Variants in VPS39 observed in about 807,000 individuals in gnomAD.
The protein encoded by VPS39 is vam6/Vps39-like protein.
A neutral mutation model predicts 121.0 loss-of-function variants in VPS39; 70 were observed. That is an observed-to-expected ratio of 0.58 (90% CI 0.48 to 0.71). The LOEUF (loss-of-function observed/expected upper bound fraction) is 0.71, where lower values mean the gene tolerates loss of function less well. Among genes scored for constraint, VPS39 ranks in the 30% least tolerant of loss-of-function variants. The probability of loss-of-function intolerance (pLI) is 0.00; values close to 1 mark genes in which losing one functional copy is unlikely to be tolerated. For synonymous variants in VPS39, 378 were observed against 398.1 expected, an observed-to-expected ratio of 0.95 and a Z score of 0.60; for missense variants, 818 against 1,051.5, an observed-to-expected ratio of 0.78 and a Z score of 3.07.
At chr15:42,195,016 T>A (rs537972589) in intron 2 of VPS39, among the ~76,000 whole-genome samples, 142 of 151,824 alleles carry the variant, frequency 9.4e-4, no homozygotes, top group African/African-American at 3.3e-3. Flanking sequence ...TCTGAAAGGA[T>A]CTTGAGGATC....
rs753606380 is a variant in VPS39, at chr15:42,164,435, C to T, written c.1949G>A (p.Arg650Gln). Residue 650 changes from arginine (R) to glutamine (Q), a missense_variant, in exon 19 of 25, where the codon CGG becomes CAG. Transcript: ENST00000318006. ...CTCCAAGAACATGAGGAGCTTTTGCCGGTATTCTCCCAGCTCACCCTCTTC... is the reference window on the plus strand; with the variant it reads ...CTCCAAGAACATGAGGAGCTTTTGCTGGTATTCTCCCAGCTCACCCTCTTC... ...GEEEGELGEYRQKLLMFLEIS... is the reference protein window; with the variant it reads ...GEEEGELGEYQQKLLMFLEIS... 2.5e-6 allele frequency: 4 copies of T among 1,613,998 alleles called. No individual in the cohort carries two copies. Among genetic ancestry groups the T allele is most frequent in the South Asian group, 1.1e-5 (1 of 91,076 alleles).
In VPS39 at chr15:42,162,171, G is replaced by T. The variant is rs1350695050; in HGVS notation, c.2326-5C>A. On this transcript the variant is annotated splice_polypyrimidine_tract_variant and splice_region_variant and intron_variant, in intron 22 of 24. Transcript: ENST00000318006. ...TGCTGGCAGAAGGTTGAGGGCCTAG[G>T]GACAGGAACAGAGATAGGGACTGGG... is the stretch of plus-strand genomic sequence containing the variant. The T allele has an allele frequency of 3.1e-6, 5 of 1,614,150 alleles. No individual in the cohort carries two copies. The highest frequency in any genetic ancestry group is 4.2e-6 in the Non-Finnish European group (5 of 1,180,006).
intron 8 of VPS39, 167 bp from the exon 9 acceptor site, chr15:42,178,737 A>T (rs1203694476): frequency 1.9e-6 from 2 of 1,040,852 alleles, no homozygotes. Context: ...GAAAAAAAAA[A>T]TTGGCCTGTA....
chr15:42,180,491 A>C (rs1037170755), intron 8 of VPS39, among the ~76,000 whole-genome samples: 1 of 152,234 alleles, frequency 6.6e-6, no homozygotes, highest in African/African-American at 2.4e-5. Flanking sequence ...CACAGTGCTA[A>C]AGAAGTCAGC....
chr15:42,167,035 C>T (rs975432662), intron 13 of VPS39, 122 bp from the exon 14 acceptor site: 1 of 1,406,450 alleles, frequency 7.1e-7, no homozygotes, highest in East Asian at 2.3e-5. Context: ...AGCAGACAGC[C>T]CTCTTTCAGG....
At chr15:42,178,771 G>C in intron 8 of VPS39, 1 of 654,972 alleles carries the variant, frequency 1.5e-6, no homozygotes. Context: ...GAGAGGTTGA[G>C]GTGGGAAGGT....
At chr15:42,167,351 G>A in intron 13 of VPS39, 43 bp downstream of exon 13, 2 of 1,609,660 alleles carry the variant, frequency 1.2e-6, no homozygotes, top group Non-Finnish European at 1.7e-6. Flanking sequence ...CAGACTGTCA[G>A]GGTAACTGGG....
At chr15:42,179,967 G>A (rs1411369451) in intron 8 of VPS39, among the ~76,000 whole-genome samples, 1 of 152,156 alleles carries the variant, frequency 6.6e-6, no homozygotes, top group African/African-American at 2.4e-5. Flanking sequence ...CTTCTGCCAT[G>A]TGAGAATGCA....
rs1171703263 is a variant in VPS39, at chr15:42,166,194, A to T, written c.1645T>A (p.Trp549Arg). 2 of 1,614,146 alleles carry T rather than the reference A, an allele frequency of 1.2e-6. No individual in the cohort carries two copies. The highest frequency in any genetic ancestry group is 2.7e-5 in the African/African-American group (2 of 74,946). Residue 549 changes from tryptophan (W) to arginine (R), a missense_variant, in exon 16 of 25, where the codon TGG (tryptophan) becomes AGG (arginine). Coordinates refer to ENST00000318006, the MANE Select transcript of VPS39 (RefSeq NM_015289.5). ...TCTTCTGGGAAGTCTCTCAGCACCCACACTGAGTAGGAGAAAATCAAATGC... is the reference window on the plus strand; with the variant it reads ...TCTTCTGGGAAGTCTCTCAGCACCCTCACTGAGTAGGAGAAAATCAAATGC... ...NLHLIFSYSVWVLRDFPEDGL... is the reference protein window; with the variant it reads ...NLHLIFSYSVRVLRDFPEDGL...
intron 8 of VPS39, among the ~76,000 whole-genome samples, chr15:42,182,237 A>T (rs1004150302): frequency 4.6e-5 from 7 of 152,158 alleles, no homozygotes; most frequent in African/African-American, 1.7e-4. Flanking sequence ...TGAATTTTTT[A>T]TTTTATTTTT....
intron 7 of VPS39, among the ~76,000 whole-genome samples, 179 bp downstream of exon 7, chr15:42,187,092 G>A (rs1371173860): frequency 6.6e-6 from 1 of 152,174 alleles, no homozygotes; most frequent in Non-Finnish European, 1.5e-5. Flanking sequence ...ACTGACTTAA[G>A]TTACAAAGAT....
At chr15:42,191,075 C>A in intron 4 of VPS39, 50 bp downstream of exon 4, 1 of 1,593,144 alleles carries the variant, frequency 6.3e-7, no homozygotes, top group South Asian at 1.1e-5. Context: ...TTAATTAGGT[C>A]ATATCTTTTC....
chr15:42,192,749 T>A (rs2049854620), intron 2 of VPS39, among the ~76,000 whole-genome samples: 1 of 152,004 alleles, frequency 6.6e-6, no homozygotes, highest in African/African-American at 2.4e-5. Context: ...TTGCATTTAA[T>A]ACTTCTCTTT....
chr15:42,177,665 A>AC (rs2140857729), intron 10 of VPS39, among the ~76,000 whole-genome samples: 1 of 148,672 alleles, frequency 6.7e-6, no homozygotes, highest in South Asian at 2.1e-4. Flanking sequence ...TTCTCCCATT[A>AC]ATTTTTTTTT....
At chr15:42,197,858 G>C (rs2049977005) in intron 2 of VPS39, among the ~76,000 whole-genome samples, 2 of 152,030 alleles carry the variant, frequency 1.3e-5, no homozygotes, top group African/African-American at 4.8e-5. Flanking sequence ...ATTAACCCTA[G>C]AACTAATTCA....
At chr15:42,194,630 G>A (rs1222609796) in intron 2 of VPS39, among the ~76,000 whole-genome samples, 1 of 152,076 alleles carries the variant, frequency 6.6e-6, no homozygotes, top group Non-Finnish European at 1.5e-5. Context: ...CTGCTTGAGA[G>A]GCTGAGGCGG....
At chr15:42,168,781 T>G (rs891862989) in intron 12 of VPS39, among the ~76,000 whole-genome samples, 2 of 152,100 alleles carry the variant, frequency 1.3e-5, no homozygotes, top group African/African-American at 4.8e-5. Context: ...TGACCTCAGG[T>G]GATCTTCTGT....
intron 17 of VPS39, chr15:42,165,501 A>ATT: frequency 2.0e-6 from 1 of 501,632 alleles, no homozygotes; most frequent in Non-Finnish European, 3.5e-6. Flanking sequence ...TTTCTAAAAC[A>ATT]TTATTCTTTT....
chr15:42,194,455 C>T (rs1230893317), intron 2 of VPS39, among the ~76,000 whole-genome samples: 1 of 151,776 alleles, frequency 6.6e-6, no homozygotes, highest in Admixed American at 6.6e-5. Flanking sequence ...GCTTAGAAGA[C>T]AAGTGTGAAA....
Sources: gnomAD v4.1 joint callset for allele counts (sites outside exome capture counted in the v4.1 genomes callset) on GRCh38, gnomAD v4.1.1 for gene constraint, MANE v1.5 for transcripts, NCBI Gene and HGNC (gene_info 2026-07-23, HGNC 2026-07-21) for gene names.